ROBO2: variants seen among roughly 807,000 people sequenced by gnomAD.
ROBO2 encodes the protein roundabout homolog 2.
In ROBO2, 53 loss-of-function variants were observed where a neutral mutation model predicts 160.8. The observed-to-expected ratio is 0.33, with a 90% confidence interval of 0.26 to 0.41. ROBO2 has a LOEUF of 0.41. Ranked by LOEUF, ROBO2 falls within the 10% of genes least tolerant of loss-of-function variation. The pLI is 1.00. For synonymous variants in ROBO2, 664 were observed against 611.7 expected (o/e 1.09, Z -1.26); for missense variants, 1,577 against 1,722.4 (o/e 0.92, Z 1.49).
chr3:77,112,133 A>G (rs1332767393), intron 2 of ROBO2, among the ~76,000 whole-genome samples: 2 of 142,886 alleles, frequency 1.4e-5, no homozygotes, highest in Non-Finnish European at 3.0e-5. Flanking sequence ...CGGAGGTTGC[A>G]GTGAGCCGAG....
chr3:75,949,490 G>A (rs1016468517), intron 2 of ROBO2, among the ~76,000 whole-genome samples: 9 of 152,026 alleles, frequency 5.9e-5, no homozygotes, highest in African/African-American at 2.2e-4. Flanking sequence ...TGCATGGCAT[G>A]GTGGCAGCTG....
At chr3:77,265,192 C>T (rs937295046) in intron 2 of ROBO2, among the ~76,000 whole-genome samples, 1 of 152,130 alleles carries the variant, frequency 6.6e-6, no homozygotes, top group Admixed American at 6.6e-5. Context: ...CACATTATCC[C>T]CATTTTCCAA....
chr3:77,520,071 A>G (rs1469966692), intron 5 of ROBO2, among the ~76,000 whole-genome samples: 1 of 151,402 alleles, frequency 6.6e-6, no homozygotes, highest in Admixed American at 6.6e-5. Context: ...GCAGGAGATC[A>G]CTTTTACATT....
chr3:76,735,785 A>AAAAGGG (rs1560468196), intron 2 of ROBO2, among the ~76,000 whole-genome samples: 1 of 30,922 alleles, frequency 3.2e-5, no homozygotes, highest in Non-Finnish European at 5.8e-5. Context: ...AGAAAAAAAA[A>AAAAGGG]AGGGGAAAGG....
At chr3:76,654,867 A>C (rs1246435967) in intron 2 of ROBO2, among the ~76,000 whole-genome samples, 1 of 148,474 alleles carries the variant, frequency 6.7e-6, no homozygotes, top group Non-Finnish European at 1.5e-5. Flanking sequence ...ACACACGTAC[A>C]TATATGTGTG....
chr3:76,438,849 A>G (rs1054918853), intron 2 of ROBO2, among the ~76,000 whole-genome samples: 3 of 152,096 alleles, frequency 2.0e-5, no homozygotes, highest in Non-Finnish European at 2.9e-5. Flanking sequence ...TAACTAAAAC[A>G]TACGAGATTT....
chr3:76,770,160 G>C (rs111402429), intron 2 of ROBO2, among the ~76,000 whole-genome samples: 1 of 151,298 alleles, frequency 6.6e-6, no homozygotes, highest in African/African-American at 2.4e-5. Context: ...TAAATGTCAG[G>C]CATAATTCGA....
intron 2 of ROBO2, among the ~76,000 whole-genome samples, chr3:76,513,337 A>G: frequency 6.9e-6 from 1 of 145,068 alleles, no homozygotes; most frequent in East Asian, 1.9e-4. Context: ...GTATTTATTT[A>G]TTTATTTATC....
chr3:77,526,758 A>G (rs946086279), intron 6 of ROBO2, among the ~76,000 whole-genome samples: 3 of 151,482 alleles, frequency 2.0e-5, no homozygotes, highest in East Asian at 1.9e-4. Context: ...ACAGGAATCA[A>G]CTTGTCAGTC....
At chr3:76,128,793 T>C (rs1257354619) in intron 2 of ROBO2, among the ~76,000 whole-genome samples, 1 of 152,124 alleles carries the variant, frequency 6.6e-6, no homozygotes, top group African/African-American at 2.4e-5. Flanking sequence ...TTAAAAAAGA[T>C]TTAATAACAT....
At chr3:76,593,289 A>G (rs112344712) in intron 2 of ROBO2, among the ~76,000 whole-genome samples, 2 of 152,178 alleles carry the variant, frequency 1.3e-5, no homozygotes, top group African/African-American at 4.8e-5. Context: ...TGTTGCGTTT[A>G]ATTACTGATA....
upstream of ROBO2, among the ~76,000 whole-genome samples, chr3:77,035,296 CTT>C (rs891250565): frequency 2.6e-5 from 4 of 151,844 alleles, no homozygotes; most frequent in Non-Finnish European, 4.4e-5. Flanking sequence ...CTCTAAGTGA[CTT>C]TTAAAATTCA....
chr3:76,978,341 T>C (rs1291879667), intron 2 of ROBO2, among the ~76,000 whole-genome samples: 1 of 152,192 alleles, frequency 6.6e-6, no homozygotes, highest in East Asian at 1.9e-4. Context: ...ATTTATATTA[T>C]TTAAAATAAA....
intron 2 of ROBO2, among the ~76,000 whole-genome samples, chr3:77,422,267 C>G (rs889232314): frequency 5.3e-5 from 8 of 152,258 alleles, no homozygotes; most frequent in Non-Finnish European, 1.2e-4. Context: ...ACATTTTATG[C>G]CTTTCATTTC....
intron 2 of ROBO2, among the ~76,000 whole-genome samples, chr3:76,965,950 T>A (rs1206277846): frequency 2.7e-5 from 4 of 147,594 alleles, no homozygotes; most frequent in Non-Finnish European, 4.5e-5. Context: ...GAGACGGAGT[T>A]TCACTCTTGT....
intron 2 of ROBO2, among the ~76,000 whole-genome samples, chr3:76,361,053 C>T (rs1030489244): frequency 1.3e-5 from 2 of 152,036 alleles, no homozygotes; most frequent in African/African-American, 4.8e-5. Flanking sequence ...CAACCAGCTT[C>T]TATTAGTAAT....
At chr3:77,083,624 A>G (rs887632706) in intron 1 of ROBO2, among the ~76,000 whole-genome samples, 3 of 152,146 alleles carry the variant, frequency 2.0e-5, no homozygotes, top group Non-Finnish European at 4.4e-5. Context: ...GTGACTGTGG[A>G]AATGAGAGGC....
chr3:76,912,597 T>G (rs2076059319), intron 2 of ROBO2, among the ~76,000 whole-genome samples: 1 of 152,190 alleles, frequency 6.6e-6, no homozygotes. Flanking sequence ...AACAGCCAAT[T>G]GCTCCATTTT....
chr3:77,042,854 A>G (rs570887787), intron 1 of ROBO2, among the ~76,000 whole-genome samples: 1 of 152,318 alleles, frequency 6.6e-6, no homozygotes, highest in East Asian at 1.9e-4. Context: ...TCTGGGCCAC[A>G]ATTATGCAGC....
Sources: allele counts gnomAD v4.1 joint callset (sites outside exome capture counted in the v4.1 genomes callset), GRCh38; gene constraint gnomAD v4.1.1; transcripts MANE v1.5; gene names NCBI Gene and HGNC (gene_info 2026-07-23, HGNC 2026-07-21).